MINK1: variants seen among roughly 807,000 people sequenced by gnomAD.
MINK1 encodes the protein misshapen like kinase 1.
A neutral mutation model predicts 178.4 loss-of-function variants in MINK1; 46 were observed. That is an observed-to-expected ratio of 0.26 (90% confidence interval 0.20 to 0.33). MINK1 has a LOEUF of 0.33. Among genes scored for constraint, MINK1 ranks in the 10% least tolerant of loss-of-function variants. MINK1 has a pLI of 1.00. For missense variants in MINK1, 1,366 were observed against 1,814.9 expected, an observed-to-expected ratio of 0.75 and a Z score of 4.49; for synonymous variants, 797 against 709.7, an observed-to-expected ratio of 1.12 and a Z score of -1.96.
chr17:4,862,315 G>A (rs1490422592), intron 1 of MINK1, among the ~76,000 whole-genome samples: 1 of 152,150 alleles, frequency 6.6e-6, no homozygotes, highest in Non-Finnish European at 1.5e-5. Flanking sequence ...TGTAAAGTGA[G>A]AATAATAATA....
chr17:4,896,927 T>A lies in MINK1; in HGVS notation c.3915+114T>A. 5.1e-6 allele frequency: 7 copies of A among 1,381,542 alleles called. No individual in the cohort carries two copies. In the South Asian group the frequency reaches 1.1e-4, roughly 21 times the overall value. 85.6% of individuals were successfully genotyped at this position (1,381,542 alleles called of 1,614,324 possible). A position where few individuals can be genotyped will look rare whatever the true frequency, so the allele number is the denominator to read the frequency against. On this transcript the variant is annotated intron_variant, in intron 31 of 31. Coordinates refer to ENST00000355280, the MANE Select transcript of MINK1 (RefSeq NM_153827.5). The surrounding 1 kb of genome is among the most constrained non-coding windows in gnomAD (Gnocchi z 4.6). ...TGGTGGCTTCCTGAAAGCGGGCCCC[T>A]CTGGGAGCTCAGAGGGCAGTCAGCC...
Position 4,887,309 on chromosome 17 carries a change from A to G in MINK1, c.1019+130A>G. ...GAGAGGTAGAGACTCCTGGAAACCA[A>G]ATTTCTGAGTGCTAAGAAGTGGAAC... is the stretch of plus-strand genomic sequence containing the variant. On this transcript the variant is annotated intron_variant, in intron 11 of 31. Transcript: ENST00000355280. The surrounding 1 kb of genome is among the most constrained non-coding windows in gnomAD (Gnocchi z 7.6). The G allele has an allele frequency of 1.0e-6, 1 of 962,582 alleles. No individual in the cohort carries two copies. The highest frequency in any genetic ancestry group is 1.6e-6 in the Non-Finnish European group (1 of 633,002). 59.6% of individuals were successfully genotyped at this position (962,582 alleles called of 1,614,324 possible). A position where few individuals can be genotyped will look rare whatever the true frequency, so the allele number is the denominator to read the frequency against.
intron 1 of MINK1, among the ~76,000 whole-genome samples, chr17:4,860,141 A>C (rs768356499): frequency 1.3e-5 from 2 of 152,202 alleles, no homozygotes; most frequent in Non-Finnish European, 2.9e-5. Context: ...AGCTACTGTT[A>C]GTGGAATGAG....
intron 1 of MINK1, among the ~76,000 whole-genome samples, chr17:4,853,623 A>G (rs1210136671): frequency 1.3e-5 from 2 of 152,006 alleles, no homozygotes; most frequent in Non-Finnish European, 2.9e-5. Flanking sequence ...GCTTCCCTGC[A>G]GGTTTAAGTG....
At chr17:4,838,234 G>A (rs1451788775) in intron 1 of MINK1, among the ~76,000 whole-genome samples, 1 of 152,204 alleles carries the variant, frequency 6.6e-6, no homozygotes, top group African/African-American at 2.4e-5. Flanking sequence ...ATGACGGAAG[G>A]AAGATTACTG....
chr17:4,893,738 CCTGT>C, intron 21 of MINK1, 141 bp downstream of exon 21: 2 of 1,249,998 alleles, frequency 1.6e-6, no homozygotes, highest in Non-Finnish European at 2.2e-6. Context: ...GGTGCAGGTT[CCTGT>C]CTCTCTCCCG....
rs1334401228 is a variant in MINK1, at chr17:4,892,709, T to C, written c.2252T>C (p.Leu751Pro). The change falls in exon 19 of 32, where the codon CTT (leucine) becomes CCT (proline). Residue 751 changes from leucine to proline, a missense_variant. This residue lies in a region of MINK1 where 709 missense variants were observed against 692.3 expected (regional missense o/e 1.02). Coordinates refer to ENST00000355280, the MANE Select transcript of MINK1 (RefSeq NM_153827.5). The part of the protein sequence containing the change: ...DPGWERSDSV[L>P]PASHGHLPQA... ...GGCTGGGAACGCTCGGACAGCGTCC[T>C]TCCAGCCTCTCACGGGCACCTCCCC... 1.2e-6 allele frequency: 2 copies of C among 1,612,072 alleles called. No homozygotes were observed. Among genetic ancestry groups the C allele is most frequent in the East Asian group, 2.2e-5 (1 of 44,874 alleles).
chr17:4,884,580 T>A, intron 5 of MINK1, 107 bp downstream of exon 5: 1 of 831,372 alleles, frequency 1.2e-6, no homozygotes, highest in Non-Finnish European at 2.0e-6. Context: ...CTGCCCTCTT[T>A]AGGGAGCAGC....
At chr17:4,870,058 C>T (rs1362748401) in intron 1 of MINK1, among the ~76,000 whole-genome samples, 1 of 151,426 alleles carries the variant, frequency 6.6e-6, no homozygotes, top group African/African-American at 2.4e-5. Flanking sequence ...CAGGCACCCG[C>T]CATCATGCCC....
In MINK1 at chr17:4,897,592, T is replaced by C. The variant is rs950919899; in HGVS notation, c.*305T>C. 1.1e-4 allele frequency: 36 copies of C among 322,158 alleles called. No individual in the cohort carries two copies. The highest frequency in any genetic ancestry group is 9.1e-4 in the Middle Eastern group (1 of 1,096). The allele number at this position is 322,158 out of a possible 1,614,324, so 20.0% of individuals were successfully genotyped here. A position where few individuals can be genotyped will look rare whatever the true frequency, so the allele number is the denominator to read the frequency against. On this transcript the variant is annotated 3_prime_UTR_variant, in exon 32 of 32. Coordinates refer to ENST00000355280, the MANE Select transcript of MINK1 (RefSeq NM_153827.5). Reference sequence around the variant, plus strand: ...CCCTTTTCTCCATTTGAGAGGAGAGTGCTTGGGGCTTGAACCCCTTACCCC... The same window carrying C: ...CCCTTTTCTCCATTTGAGAGGAGAGCGCTTGGGGCTTGAACCCCTTACCCC...
chr17:4,854,773 G>A (rs779756631), intron 1 of MINK1: 3 of 495,178 alleles, frequency 6.1e-6, no homozygotes, highest in African/African-American at 3.9e-5. Flanking sequence ...ATAGACAGAG[G>A]ACAAGTACTT....
Position 4,878,255 on chromosome 17 carries a change from C to T in MINK1, c.58-62C>T, listed in dbSNP as rs187039501. On this transcript the variant is annotated intron_variant, in intron 1 of 31. Coordinates refer to ENST00000355280, the MANE Select transcript of MINK1 (RefSeq NM_153827.5). ...CTTGACTGGATACCACTTTACCCCC[C>T]TCTAGCTCTGTAATCCTTTTCTAAA... 5 of 1,460,850 alleles carry T rather than the reference C, an allele frequency of 3.4e-6. No individual in the cohort carries two copies. The South Asian group carries it at 3.6e-5, about 11-fold the overall frequency. 90.5% of individuals were successfully genotyped at this position (1,460,850 alleles called of 1,614,324 possible).
At chr17:4,880,507 G>A (rs1294025745) in intron 2 of MINK1, among the ~76,000 whole-genome samples, 2 of 149,658 alleles carry the variant, frequency 1.3e-5, no homozygotes, top group African/African-American at 4.9e-5. Flanking sequence ...GGCTGGTCTC[G>A]AACTCCTGGT....
intron 1 of MINK1, among the ~76,000 whole-genome samples, chr17:4,855,594 C>T (rs1912966876): frequency 6.7e-6 from 1 of 149,770 alleles, no homozygotes; most frequent in Non-Finnish European, 1.5e-5. Flanking sequence ...AGCAGTGAAA[C>T]CCCATATCTA....
intron 4 of MINK1, among the ~76,000 whole-genome samples, chr17:4,881,941 G>C (rs1372692245): frequency 6.6e-6 from 1 of 152,282 alleles, no homozygotes; most frequent in Non-Finnish European, 1.5e-5. Flanking sequence ...TGGCGCTGAC[G>C]CCAGGTCTCC....
chr17:4,889,593 A>AG, intron 12 of MINK1, 54 bp from the exon 13 acceptor site: 1 of 1,416,454 alleles, frequency 7.1e-7, no homozygotes. Flanking sequence ...ATGGAGGGGC[A>AG]GTGCTGACGC....
chr17:4,863,532 G>T (rs978788841), intron 1 of MINK1, among the ~76,000 whole-genome samples: 1 of 152,110 alleles, frequency 6.6e-6, no homozygotes, highest in Non-Finnish European at 1.5e-5. Flanking sequence ...TGGAAAACCC[G>T]GTCCTTTAGG....
chr17:4,834,597 T>A (rs953435812), intron 1 of MINK1, among the ~76,000 whole-genome samples: 4 of 152,098 alleles, frequency 2.6e-5, no homozygotes, highest in African/African-American at 9.7e-5. Context: ...TTACACACTC[T>A]GGTGGAAGAG....
rs1424653661 is a variant in MINK1 at position 4,833,891 on chromosome 17, C to G, written c.57+251C>G. Among the ~76,000 whole-genome samples, 1 of 152,206 alleles carries G rather than the reference C, an allele frequency of 6.6e-6. No individual in the cohort carries two copies. The highest frequency in any genetic ancestry group is 1.5e-5 in the Non-Finnish European group (1 of 68,028). On this transcript the variant is annotated intron_variant, in intron 1 of 31. Coordinates refer to ENST00000355280, the MANE Select transcript of MINK1 (RefSeq NM_153827.5). The surrounding 1 kb of genome is among the most constrained non-coding windows in gnomAD (Gnocchi z 4.8). ...CTGTGGTGCCCCGCCCCCACACTTC[C>G]GTGCCACCCTACCTTTACTCTGGGG...
Sources: allele counts gnomAD v4.1 joint callset (sites outside exome capture counted in the v4.1 genomes callset), GRCh38; gene constraint gnomAD v4.1.1; regional missense constraint gnomAD v4.1.1; non-coding constraint Gnocchi (gnomAD v3.1); transcripts MANE v1.5; gene names NCBI Gene and HGNC (gene_info 2026-07-23, HGNC 2026-07-21).